Variants in CHST12 observed in about 807,000 individuals in gnomAD.
The protein encoded by CHST12 is carbohydrate sulfotransferase 12.
CHST12 carries 23 observed loss-of-function variants against 27.9 expected under a neutral mutation model. The observed-to-expected ratio is 0.82, with a 90% CI of 0.59 to 1.17. The LOEUF is 1.17. CHST12 is among the 50% of genes most tolerant of loss of function. The pLI is 0.00. For synonymous variants in CHST12, 322 were observed against 273.0 expected, an observed-to-expected ratio of 1.18 and a Z score of -1.77; for missense variants, 682 against 603.0, an observed-to-expected ratio of 1.13 and a Z score of -1.37.
intron 1 of CHST12, among the ~76,000 whole-genome samples, chr7:2,421,727 G>A (rs1781981610): frequency 6.6e-6 from 1 of 151,724 alleles, no homozygotes; most frequent in African/African-American, 2.4e-5. Context: ...ATGAGCTACT[G>A]CGCCCAGCCT....
At position 2,442,343 on chromosome 7, in the gene CHST12, G is replaced by A. The variant is rs1199951343; in HGVS notation, c.*8459G>A. The A allele has an allele frequency of 2.0e-5, 3 of 152,212 alleles. No homozygotes were observed. Among genetic ancestry groups the A allele is most frequent in the Middle Eastern group, 3.2e-3 (1 of 314 alleles). 9.4% of individuals were successfully genotyped at this position (152,212 alleles called of 1,614,324 possible). A position where few individuals can be genotyped will look rare whatever the true frequency, so the allele number is the denominator to read the frequency against. ...GTGAATAATGCTGCTGTGAACACGGGTGTGCAGATACCTGTTCAAGTCCCT... is the reference window on the plus strand; with the variant it reads ...GTGAATAATGCTGCTGTGAACACGGATGTGCAGATACCTGTTCAAGTCCCT... On this transcript the variant is annotated 3_prime_UTR_variant, in exon 2 of 2. Transcript: ENST00000618655.
chr7:2,406,658 A>G (rs1040398234), intron 1 of CHST12, among the ~76,000 whole-genome samples: 1 of 152,132 alleles, frequency 6.6e-6, no homozygotes, highest in Non-Finnish European at 1.5e-5. Flanking sequence ...GAATCTGAGT[A>G]GCCCAAGAGA....
In CHST12 at chr7:2,433,365, C is replaced by T; in HGVS notation, c.726C>T (p.Leu242=). Residue 242 remains leucine (L), a synonymous_variant, in exon 2 of 2, where the codon CTC becomes CTT. Transcript: ENST00000618655. The surrounding 1 kb of genome is among the most constrained non-coding windows in gnomAD (Gnocchi z 6.1). ...AGCTCAAGAAGTACACCAAGTTCCT[C>T]TTCGTGCGCGACCCCTTCGTGCGCC... ...KVKLKKYTKF[L]FVRDPFVRLI... The T allele has an allele frequency of 2.5e-6, 4 of 1,611,380 alleles. No individual in the cohort carries two copies. Among genetic ancestry groups the T allele is most frequent in the Non-Finnish European group, 3.4e-6 (4 of 1,179,948 alleles).
chr7:2,442,174 TATA>T lies in CHST12; in HGVS notation c.*8293_*8295del, dbSNP rs1782622725. 1 of 152,216 alleles carries T rather than the reference TATA, an allele frequency of 6.6e-6. No individual in the cohort carries two copies. The highest frequency in any genetic ancestry group is 2.4e-5 in the African/African-American group (1 of 41,444). 9.4% of individuals were successfully genotyped at this position (152,216 alleles called of 1,614,324 possible). A position where few individuals can be genotyped will look rare whatever the true frequency, so the allele number is the denominator to read the frequency against. Reference sequence around the variant, plus strand: ...TTTTGTGTCTGGCTTCTTCATGTAGTATAATGTCTTCAAGGTTCATTCATGTTG... The same window carrying T: ...TTTTGTGTCTGGCTTCTTCATGTAGTATGTCTTCAAGGTTCATTCATGTTG... On this transcript the variant is annotated 3_prime_UTR_variant, in exon 2 of 2. Transcript: ENST00000618655.
In CHST12 at chr7:2,433,549, A is replaced by AT. The variant is rs1562521297; in HGVS notation, c.911dup (p.Gln305ProfsTer90). 1.2e-5 allele frequency: 19 copies of AT among 1,613,326 alleles called. No individual in the cohort carries two copies. The highest frequency in any genetic ancestry group is 1.6e-5 in the Non-Finnish European group (19 of 1,179,954). On this transcript the variant is annotated frameshift_variant, in exon 2 of 2. Transcript: ENST00000618655. LOFTEE classifies it high-confidence loss of function. This position sits in a 1 kb window ranked among gnomAD's most constrained non-coding sequence, Gnocchi z 6.1. ...CCTCAAGGTGTCCTTCGCCAACTTC[A>AT]TCCAGTACCTGCTGGACCCGCACAC...
At position 2,446,667 on chromosome 7, in the gene CHST12, G is replaced by A. The variant is rs1181543484; in HGVS notation, c.*12783G>A. The A allele has an allele frequency of 2.0e-5, 3 of 153,046 alleles. No homozygotes were observed. Among genetic ancestry groups the A allele is most frequent in the Non-Finnish European group, 2.9e-5 (2 of 68,194 alleles). 9.5% of individuals were successfully genotyped at this position (153,046 alleles called of 1,614,324 possible). A position where few individuals can be genotyped will look rare whatever the true frequency, so the allele number is the denominator to read the frequency against. Reference sequence around the variant, plus strand: ...TGTCTGTTGTCCCGAGCACCTTGGAGATGTCATTTCTAACATTTTAACCCA... The same window carrying A: ...TGTCTGTTGTCCCGAGCACCTTGGAAATGTCATTTCTAACATTTTAACCCA... On this transcript the variant is annotated 3_prime_UTR_variant, in exon 2 of 2. Transcript: ENST00000618655.
At chr7:2,426,669 T>TA (rs200125463) in intron 1 of CHST12, among the ~76,000 whole-genome samples, 1 of 151,452 alleles carries the variant, frequency 6.6e-6, no homozygotes, top group South Asian at 2.1e-4. Context: ...TTGCTAATAT[T>TA]AAAAAAATAT....
In CHST12 at chr7:2,433,145, A is replaced by G. The variant is rs1782343025; in HGVS notation, c.506A>G (p.Tyr169Cys). 1 of 1,612,890 alleles carries G rather than the reference A, an allele frequency of 6.2e-7. No homozygotes were observed. Among genetic ancestry groups the G allele is most frequent in the Non-Finnish European group, 8.5e-7 (1 of 1,179,504 alleles). Residue 169 changes from tyrosine to cysteine, a missense_variant, in exon 2 of 2, where the codon TAC (tyrosine) becomes TGC (cysteine). Transcript: ENST00000618655. The surrounding 1 kb of genome is among the most constrained non-coding windows in gnomAD (Gnocchi z 6.1). The stretch of plus-strand genomic sequence containing the variant: ...GACCGGCACGGGGCCATCTACTGCT[A>G]CGTGCCCAAGGTGGCCTGCACCAAC... ...VDDRHGAIYC[Y>C]VPKVACTNWK...
intron 1 of CHST12, among the ~76,000 whole-genome samples, chr7:2,430,529 G>A (rs1477337668): frequency 2.0e-5 from 3 of 152,126 alleles, no homozygotes; most frequent in Admixed American, 6.5e-5. Flanking sequence ...TGTTGGCCAG[G>A]CGGGTCTTGA....
chr7:2,420,208 C>T (rs1216692507), intron 1 of CHST12, among the ~76,000 whole-genome samples: 5 of 151,938 alleles, frequency 3.3e-5, no homozygotes, highest in Admixed American at 1.3e-4. Context: ...CTCCTGACCT[C>T]GTGATCTGCC....
rs1454613243 is a variant in CHST12, at chr7:2,436,500, T to G, written c.*2616T>G. 1 of 152,252 alleles carries G rather than the reference T, an allele frequency of 6.6e-6. No individual in the cohort carries two copies. The highest frequency in any genetic ancestry group is 1.5e-5 in the Non-Finnish European group (1 of 68,068). 9.4% of individuals were successfully genotyped at this position (152,252 alleles called of 1,614,324 possible). A position where few individuals can be genotyped will look rare whatever the true frequency, so the allele number is the denominator to read the frequency against. On this transcript the variant is annotated 3_prime_UTR_variant, in exon 2 of 2. Coordinates refer to ENST00000618655, the MANE Select transcript of CHST12 (RefSeq NM_018641.5). ...CCCATTGTGTGGAAGAGGCATGGTTTGTTTATCTGTTCATCAGTTGGTGGA... is the reference window on the plus strand; with the variant it reads ...CCCATTGTGTGGAAGAGGCATGGTTGGTTTATCTGTTCATCAGTTGGTGGA...
chr7:2,423,857 A>G (rs963483076), intron 1 of CHST12, among the ~76,000 whole-genome samples: 5 of 152,232 alleles, frequency 3.3e-5, no homozygotes, highest in Non-Finnish European at 7.3e-5. Flanking sequence ...ATTTGAGCCC[A>G]GGAGTTCGAG....
chr7:2,433,189 G>A lies in CHST12; in HGVS notation c.550G>A (p.Val184Met). Reference protein sequence around the residue: ...ACTNWKRVMIVLSGSLLHRGA... With the variant: ...ACTNWKRVMIMLSGSLLHRGA... ...CACCAACTGGAAGCGCGTGATGATCGTGCTGAGCGGAAGCCTGCTGCACCG... is the reference window on the plus strand; with the variant it reads ...CACCAACTGGAAGCGCGTGATGATCATGCTGAGCGGAAGCCTGCTGCACCG... Residue 184 changes from valine to methionine, a missense_variant, in exon 2 of 2, where the codon GTG (valine) becomes ATG (methionine). Val to Met is a conservative substitution (Grantham distance 21). Coordinates refer to ENST00000618655, the MANE Select transcript of CHST12 (RefSeq NM_018641.5). The surrounding 1 kb of genome is among the most constrained non-coding windows in gnomAD (Gnocchi z 6.1). 6.2e-7 allele frequency: 1 copy of A among 1,612,962 alleles called. No individual in the cohort carries two copies. Among genetic ancestry groups the A allele is most frequent in the Non-Finnish European group, 8.5e-7 (1 of 1,179,624 alleles).
At chr7:2,417,250 A>G (rs1781835276) in intron 1 of CHST12, among the ~76,000 whole-genome samples, 3 of 149,706 alleles carry the variant, frequency 2.0e-5, no homozygotes, top group Non-Finnish European at 4.4e-5. Flanking sequence ...TTTGAGGCAG[A>G]GTCTTGCTCT....
intron 1 of CHST12, among the ~76,000 whole-genome samples, chr7:2,417,897 C>T (rs747326695): frequency 2.0e-5 from 3 of 152,238 alleles, no homozygotes; most frequent in Non-Finnish European, 4.4e-5. Context: ...CCACGTATTA[C>T]GTGACCTTTT....
At chr7:2,428,131 A>G (rs1358625052) in intron 1 of CHST12, among the ~76,000 whole-genome samples, 1 of 151,162 alleles carries the variant, frequency 6.6e-6, no homozygotes. Flanking sequence ...GATTTGGTTT[A>G]TTAATATTTT....
intron 1 of CHST12, among the ~76,000 whole-genome samples, chr7:2,430,514 C>T (rs1056294868): frequency 6.6e-6 from 1 of 152,186 alleles, no homozygotes; most frequent in East Asian, 1.9e-4. Flanking sequence ...GACGGGGTTT[C>T]ACCATGTTGG....
rs887330223 is a variant in CHST12, at chr7:2,403,618, G to GGGCGGC, written c.-123_-118dup. 2.6e-5 allele frequency: 4 copies of GGGCGGC among 152,530 alleles called. No homozygotes were observed. The highest frequency in any genetic ancestry group is 7.3e-5 in the African/African-American group (3 of 41,234). The allele number at this position is 152,530 out of a possible 1,614,324, so 9.4% of individuals were successfully genotyped here. On this transcript the variant is annotated 5_prime_UTR_variant, in exon 1 of 2. Coordinates refer to ENST00000618655, the MANE Select transcript of CHST12 (RefSeq NM_018641.5). ...GCCTCTGGGGGGTCCGCTAGTCGCG[G>GGGCGGC]GGCGGCGGCGGCGGCTGCGGGCGCG...
intron 1 of CHST12, among the ~76,000 whole-genome samples, chr7:2,405,351 A>T (rs1781495164): frequency 6.6e-6 from 1 of 152,134 alleles, no homozygotes; most frequent in South Asian, 2.1e-4. Flanking sequence ...AGGATGAGTC[A>T]AGAGAATAGC....
Sources: allele counts gnomAD v4.1 joint callset (sites outside exome capture counted in the v4.1 genomes callset), GRCh38; gene constraint gnomAD v4.1.1; non-coding constraint Gnocchi (gnomAD v3.1); transcripts MANE v1.5; gene names NCBI Gene and HGNC (gene_info 2026-07-23, HGNC 2026-07-21).